The following CCDC7 variants were observed in gnomAD, a reference collection of about 807,000 sequenced individuals.
CCDC7 encodes coiled-coil domain-containing protein 7.
In CCDC7, 183 loss-of-function variants were observed where a neutral mutation model predicts 196.9. That is an observed-to-expected ratio of 0.93 (90% CI 0.82 to 1.05). CCDC7 has a LOEUF of 1.05. CCDC7 is among the 50% of genes least tolerant of loss of function. CCDC7 has a pLI of 0.00. For synonymous variants in CCDC7, 525 were observed against 484.6 expected (o/e 1.08, Z -1.10); for missense variants, 1,540 against 1,482.2 (o/e 1.04, Z -0.64).
intron 8 of CCDC7, among the ~76,000 whole-genome samples, chr10:32,476,928 A>G (rs1188618517): frequency 6.6e-6 from 1 of 152,098 alleles, no homozygotes; most frequent in African/African-American, 2.4e-5. Flanking sequence ...TTGAGTTTTA[A>G]GAGTTCTTTT....
rs776012891 is a variant in CCDC7 at position 32,565,585 on chromosome 10, A to G, written c.1162A>G (p.Lys388Glu). 15 of 1,609,850 alleles carry G rather than the reference A, an allele frequency of 9.3e-6. No homozygotes were observed. The South Asian group carries it at 1.5e-4, about 17-fold the overall frequency. Residue 388 changes from lysine (K) to glutamate (E), a missense_variant, in exon 14 of 42, where the codon AAA (lysine) becomes GAA (glutamate). Coordinates refer to ENST00000639629, the Ensembl canonical transcript of CCDC7. ...AGTAGCACGTCTGGAAATTGAGAACAAAGTCCTTCAGGAGCAATTGAAACA... is the reference window on the plus strand; with the variant it reads ...AGTAGCACGTCTGGAAATTGAGAACGAAGTCCTTCAGGAGCAATTGAAACA...
downstream of CCDC7, among the ~76,000 whole-genome samples, chr10:32,880,418 A>C (rs1388968370): frequency 6.6e-6 from 1 of 152,054 alleles, no homozygotes; most frequent in Non-Finnish European, 1.5e-5. Flanking sequence ...AATTTGTTTA[A>C]GTTCCTTGTA....
At chr10:32,513,277 C>A (rs1434998667) in intron 9 of CCDC7, 1 of 151,720 alleles carries the variant, frequency 6.6e-6, no homozygotes, top group African/African-American at 2.4e-5. Context: ...TCTAGAAAAA[C>A]CCAAACTAAA....
In CCDC7 at chr10:32,799,589, G is replaced by GC. The variant is rs528218447; in HGVS notation, c.3014-5425dup. On this transcript the variant is annotated intron_variant, in intron 29 of 41. Transcript: ENST00000639629. ...TTGGTTGTAGGAGGGGCCAAATGCA[G>GC]CAACTTATCCTTCACCTTTCTAAGG... Among the ~76,000 whole-genome samples the GC allele has an allele frequency of 2.6e-5, 4 of 152,318 alleles. No homozygotes were observed. The East Asian group carries it at 7.7e-4, about 29-fold the overall frequency.
chr10:32,583,131 T>G, exon 17 of CCDC7: 2 of 1,231,546 alleles, frequency 1.6e-6, no homozygotes, highest in Non-Finnish European at 2.0e-6. Flanking sequence ...AAATGAAGTT[T>G]CAGTTGCTGA....
intron 18 of CCDC7, among the ~76,000 whole-genome samples, chr10:32,611,581 T>A (rs61857777): frequency 1.3e-5 from 2 of 152,002 alleles, no homozygotes; most frequent in African/African-American, 4.8e-5. Flanking sequence ...TTAATCCATC[T>A]TGAGTTAATT....
chr10:32,825,001 G>A (rs145291293), intron 32 of CCDC7, among the ~76,000 whole-genome samples: 206 of 152,208 alleles, frequency 1.4e-3, no homozygotes, highest in African/African-American at 4.5e-3. Context: ...CTCTCATATC[G>A]TTATGTTATC....
chr10:32,627,488 G>C (rs1394201043), intron 18 of CCDC7, among the ~76,000 whole-genome samples: 1 of 151,806 alleles, frequency 6.6e-6, no homozygotes, highest in African/African-American at 2.4e-5. Flanking sequence ...TGGTCTATTT[G>C]TATGCCTTTT....
intron 25 of CCDC7, chr10:32,725,457 T>G: frequency 2.2e-6 from 1 of 464,642 alleles, no homozygotes; most frequent in East Asian, 7.0e-5. Context: ...TAGGTTAGTT[T>G]CCTTTCAGTT....
chr10:32,478,932 A>G (rs572089718), intron 8 of CCDC7, among the ~76,000 whole-genome samples: 1 of 152,252 alleles, frequency 6.6e-6, no homozygotes, highest in East Asian at 1.9e-4. Flanking sequence ...CCATCTGAGC[A>G]TAGTACCTGC....
chr10:32,837,736 C>T (rs903425629), intron 33 of CCDC7, among the ~76,000 whole-genome samples: 174 of 152,038 alleles, frequency 1.1e-3, no homozygotes, highest in African/African-American at 4.0e-3. Flanking sequence ...CATGGAATAC[C>T]ATGCAGCCAT....
At chr10:32,481,454 T>C (rs777786063) in intron 8 of CCDC7, among the ~76,000 whole-genome samples, 93 of 152,318 alleles carry the variant, frequency 6.1e-4, no homozygotes, top group Non-Finnish European at 1.1e-3. Flanking sequence ...TTTTATGTTT[T>C]TGATGTTATA....
intron 18 of CCDC7, among the ~76,000 whole-genome samples, chr10:32,618,450 C>A (rs2063015147): frequency 6.6e-6 from 1 of 151,930 alleles, no homozygotes; most frequent in African/African-American, 2.4e-5. Context: ...CTTTCATTCC[C>A]ATGTCTAAGT....
intron 25 of CCDC7, among the ~76,000 whole-genome samples, chr10:32,714,387 CCA>C (rs1050253054): frequency 3.3e-5 from 5 of 152,154 alleles, no homozygotes; most frequent in African/African-American, 9.7e-5. Context: ...TATGCTTTTC[CCA>C]CAGTCTTCGC....
chr10:32,653,916 T>G (rs2069264069), intron 20 of CCDC7, among the ~76,000 whole-genome samples: 1 of 152,234 alleles, frequency 6.6e-6, no homozygotes, highest in Non-Finnish European at 1.5e-5. Flanking sequence ...AGTTTTTTCT[T>G]CTCTTCCTCT....
intron 28 of CCDC7, among the ~76,000 whole-genome samples, chr10:32,735,191 G>T (rs1273276127): frequency 6.6e-6 from 1 of 152,062 alleles, no homozygotes; most frequent in East Asian, 1.9e-4. Context: ...CTTTTGTAGG[G>T]ACATATATTT....
chr10:32,612,766 G>A (rs535807398), intron 18 of CCDC7, among the ~76,000 whole-genome samples: 14 of 152,114 alleles, frequency 9.2e-5, no homozygotes, highest in South Asian at 2.1e-4. Flanking sequence ...GGGTGAAGCC[G>A]ACTTGATCAT....
chr10:32,716,519 T>G (rs1294704478), intron 25 of CCDC7, among the ~76,000 whole-genome samples: 2 of 152,210 alleles, frequency 1.3e-5, no homozygotes, highest in Admixed American at 6.5e-5. Flanking sequence ...GTTAACATCA[T>G]GATGACAGGA....
intron 18 of CCDC7, among the ~76,000 whole-genome samples, chr10:32,586,825 T>C (rs765849411): frequency 3.3e-5 from 5 of 152,178 alleles, no homozygotes; most frequent in Non-Finnish European, 7.3e-5. Context: ...TCCAGCTTTG[T>C]TGTTTTTGCT....
Sources: allele counts gnomAD v4.1 joint callset (sites outside exome capture counted in the v4.1 genomes callset), GRCh38; gene constraint gnomAD v4.1.1; transcripts MANE v1.5; gene names NCBI Gene and HGNC (gene_info 2026-07-23, HGNC 2026-07-21).